CTC1: variants seen among roughly 807,000 people sequenced by gnomAD.
CTC1 encodes the protein CST complex subunit CTC1.
A neutral mutation model predicts 136.3 loss-of-function variants in CTC1; 91 were observed. The observed-to-expected ratio is 0.67, with a 90% CI of 0.56 to 0.79. CTC1 has a LOEUF of 0.79. CTC1 is among the 30% of genes least tolerant of loss of function. The pLI, the probability that CTC1 is intolerant of heterozygous loss-of-function variation, is 0.00. For missense variants in CTC1, 1,432 were observed against 1,498.1 expected, an observed-to-expected ratio of 0.96 and a Z score of 0.73; for synonymous variants, 606 against 613.8, an observed-to-expected ratio of 0.99 and a Z score of 0.19.
rs1370775254 is a variant in CTC1, at chr17:8,228,616, A to G, written c.3401T>C (p.Val1134Ala). 3.1e-6 allele frequency: 5 copies of G among 1,614,172 alleles called. No individual in the cohort carries two copies. The highest frequency in any genetic ancestry group is 3.3e-5 in the Admixed American group (2 of 60,018). Reference protein sequence around the residue: ...PGAQLESSARVDEPMTMFLWT... With the variant: ...PGAQLESSARADEPMTMFLWT... ...GAGGAACATGGTCATGGGCTCGTCA[A>G]CCCTGGCTGAAGACTAGAAAGAGAA... Residue 1134 changes from valine (V) to alanine (A), a missense_variant, in exon 22 of 23, where the codon GTT becomes GCT. By Grantham distance (64) the Val-to-Ala change is moderately conservative. Transcript: ENST00000651323.
rs141982483 is a variant in CTC1 at position 8,226,182 on chromosome 17, T to TA, written c.*1997dup. 3.5e-4 allele frequency: 53 copies of TA among 152,316 alleles called. No individual in the cohort carries two copies. Among genetic ancestry groups the TA allele is most frequent in the Non-Finnish European group, 6.3e-4 (43 of 68,038 alleles). 9.4% of individuals were successfully genotyped at this position (152,316 alleles called of 1,614,324 possible). On this transcript the variant is annotated 3_prime_UTR_variant, in exon 23 of 23. Coordinates refer to ENST00000651323, the MANE Select transcript of CTC1 (RefSeq NM_025099.6). ...CTTACGCGTTCTGATATAAAAACAATACATGAAAGGATGTGGATTTAGCCG... is the reference window on the plus strand; with the variant it reads ...CTTACGCGTTCTGATATAAAAACAATAACATGAAAGGATGTGGATTTAGCCG...
chr17:8,243,098 AC>A lies in CTC1; in HGVS notation c.83del (p.Cys28PhefsTer11). The A allele has an allele frequency of 1.2e-6, 2 of 1,614,120 alleles. No homozygotes were observed. The highest frequency in any genetic ancestry group is 1.7e-6 in the Non-Finnish European group (2 of 1,179,964). On this transcript the variant is annotated frameshift_variant, in exon 2 of 23. Transcript: ENST00000651323. LOFTEE classifies it high-confidence loss of function. ...GGACATTAGGCTCCTTGACAGCTGG[AC>A]ACAGGGTCTTTTGGATGAAGACCTG... ...DAQVFIQKTL[C>X]PAVKEPNVQL...
At chr17:8,229,228 G>GA (rs772803716) in intron 19 of CTC1, 22 bp from the exon 20 acceptor site, 3 of 1,614,040 alleles carry the variant, frequency 1.9e-6, no homozygotes, top group African/African-American at 2.7e-5. Context: ...ACAGTGGTTG[G>GA]AAAAGTCCTC....
At chr17:8,234,322 A>C in intron 10 of CTC1, 133 bp downstream of exon 10, 1 of 875,002 alleles carries the variant, frequency 1.1e-6, no homozygotes, top group Non-Finnish European at 1.9e-6. Context: ...GAGGGCCAAC[A>C]ACAGATGAAG....
At position 8,227,794 on chromosome 17, in the gene CTC1, A is replaced by G. The variant is rs1986851094; in HGVS notation, c.*386T>C. The stretch of plus-strand genomic sequence containing the variant: ...ACAACTAGGAGTCAGGAGGCCTGGG[A>G]CCCCAGAGATGAGTACCAGTGAGAA... On this transcript the variant is annotated 3_prime_UTR_variant, in exon 23 of 23. Coordinates refer to ENST00000651323, the MANE Select transcript of CTC1 (RefSeq NM_025099.6). 1 of 162,968 alleles carries G rather than the reference A, an allele frequency of 6.1e-6. No individual in the cohort carries two copies. The highest frequency in any genetic ancestry group is 1.3e-5 in the Non-Finnish European group (1 of 74,572). 10.1% of individuals were successfully genotyped at this position (162,968 alleles called of 1,614,324 possible).
chr17:8,231,056 C>T (rs1832363565), intron 15 of CTC1: 1 of 503,918 alleles, frequency 2.0e-6, no homozygotes, highest in African/African-American at 1.9e-5. Context: ...CAGGATAATC[C>T]TTCGAACCAG....
intron 18 of CTC1, 98 bp from the exon 19 acceptor site, chr17:8,229,544 C>G: frequency 9.6e-7 from 1 of 1,046,218 alleles, no homozygotes; most frequent in Admixed American, 2.1e-5. Context: ...TAGAGGGCAT[C>G]AGGATGGGGA....
chr17:8,238,850 G>T (rs1000073790), intron 2 of CTC1, among the ~76,000 whole-genome samples: 2 of 152,232 alleles, frequency 1.3e-5, no homozygotes, highest in African/African-American at 4.8e-5. Flanking sequence ...CAGCACTTTG[G>T]GAGGCCAAGG....
intron 2 of CTC1, among the ~76,000 whole-genome samples, chr17:8,239,089 CA>C (rs778191636): frequency 0.025 from 1,212 of 48,774 alleles, 8 homozygotes; most frequent in East Asian, 0.2. Flanking sequence ...GAGACTGTCT[CA>C]AAAAAAAAAA....
chr17:8,235,727 A>C, intron 7 of CTC1, 104 bp downstream of exon 7: 1 of 1,304,102 alleles, frequency 7.7e-7, no homozygotes, highest in Non-Finnish European at 1.0e-6. Flanking sequence ...ACACACTTTT[A>C]ATTTCTATAT....
intron 20 of CTC1, 91 bp from the exon 21 acceptor site, chr17:8,228,983 G>C (rs1986973623): frequency 6.6e-7 from 1 of 1,504,210 alleles, no homozygotes; most frequent in Non-Finnish European, 9.0e-7. Flanking sequence ...GCTGTCTGCA[G>C]TCTTTGGCTC....
chr17:8,234,792 T>C lies in CTC1; in HGVS notation c.1574A>G (p.His525Arg), dbSNP rs1314186230. The C allele has an allele frequency of 5.6e-6, 9 of 1,609,990 alleles. No homozygotes were observed. Among genetic ancestry groups the C allele is most frequent in the Non-Finnish European group, 7.6e-6 (9 of 1,177,984 alleles). Residue 525 changes from histidine to arginine, a missense_variant, in exon 9 of 23, where the codon CAC becomes CGC. Coordinates refer to ENST00000651323, the MANE Select transcript of CTC1 (RefSeq NM_025099.6). ...APPGSPVRNAHNEILEEPHHC... is the reference protein window; with the variant it reads ...APPGSPVRNARNEILEEPHHC... ...ATGTGGCTCTTCAAGGATCTCATTGTGTGCATTCCGAACAGGGCTGCCTGG... is the reference window on the plus strand; with the variant it reads ...ATGTGGCTCTTCAAGGATCTCATTGCGTGCATTCCGAACAGGGCTGCCTGG...
rs748674791 is a variant in CTC1, at chr17:8,228,559, C to T, written c.3458G>A (p.Arg1153His). ...CAGCTCAAAAGAAAGCACAATAGGA[C>T]GGAGGACAGAGGGGCTAGTACAAAG... is the stretch of plus-strand genomic sequence containing the variant. Reference protein sequence around the residue: ...WTLCTSPSVLRPIVLSFELER... With the variant: ...WTLCTSPSVLHPIVLSFELER... The change falls in exon 22 of 23, where the codon CGT (arginine) becomes CAT (histidine). Residue 1153 changes from arginine to histidine, a missense_variant. Coordinates refer to ENST00000651323, the MANE Select transcript of CTC1 (RefSeq NM_025099.6). 31 of 1,613,970 alleles carry T rather than the reference C, an allele frequency of 1.9e-5. No homozygotes were observed. Among genetic ancestry groups the T allele is most frequent in the Middle Eastern group, 1.6e-4 (1 of 6,084 alleles).
rs1028979442 is a variant in CTC1 at position 8,235,729 on chromosome 17, T to C, written c.1206+102A>G. 4 of 1,312,728 alleles carry C rather than the reference T, an allele frequency of 3.0e-6. No homozygotes were observed. The African/African-American group carries it at 4.5e-5, about 15-fold the overall frequency. 81.3% of individuals were successfully genotyped at this position (1,312,728 alleles called of 1,614,324 possible). On this transcript the variant is annotated intron_variant, in intron 7 of 22. Transcript: ENST00000651323. The stretch of plus-strand genomic sequence containing the variant: ...AGTGCCCCCTAACACACACTTTTAA[T>C]TTCTATATTTCTATATAACCACCCT...
intron 1 of CTC1, among the ~76,000 whole-genome samples, chr17:8,243,754 G>T (rs1988466277): frequency 6.6e-6 from 1 of 152,026 alleles, no homozygotes; most frequent in African/African-American, 2.4e-5. Context: ...AAACATTGTT[G>T]AACAATCCTT....
intron 1 of CTC1, among the ~76,000 whole-genome samples, chr17:8,244,561 T>C (rs1248669856): frequency 6.6e-6 from 1 of 152,152 alleles, no homozygotes; most frequent in East Asian, 1.9e-4. Context: ...AGTCTTGCTT[T>C]GTCGCCCAGG....
In CTC1 at chr17:8,236,150, C is replaced by T. The variant is rs746706189; in HGVS notation, c.985G>A (p.Ala329Thr). The T allele has an allele frequency of 6.2e-7, 1 of 1,614,196 alleles. No individual in the cohort carries two copies. The highest frequency in any genetic ancestry group is 2.2e-5 in the East Asian group (1 of 44,894). Residue 329 changes from alanine (A) to threonine (T), a missense_variant, in exon 6 of 23, where the codon GCT becomes ACT. By Grantham distance (58) the Ala-to-Thr change is moderately conservative. Coordinates refer to ENST00000651323, the MANE Select transcript of CTC1 (RefSeq NM_025099.6). ...ELELEGPLLE[A>T]DPKPLPMPSN... is the part of the protein sequence containing the mutation. ...GGCATGGGGAGTGGCTTGGGGTCAG[C>T]CTCTAAGAGGGGTCCTTCCAGCTCC...
intron 2 of CTC1, among the ~76,000 whole-genome samples, chr17:8,240,156 CTTTTT>C (rs397969607): frequency 7.1e-6 from 1 of 139,990 alleles, no homozygotes. Flanking sequence ...AGAACTGTCT[CTTTTT>C]TTTTTTTTTT....
intron 10 of CTC1, 133 bp from the exon 11 acceptor site, chr17:8,233,165 CTT>C (rs891426277): frequency 1.0e-6 from 1 of 968,452 alleles, no homozygotes; most frequent in African/African-American, 1.7e-5. Flanking sequence ...CTTCAAAAAA[CTT>C]ATATTCAAGT....
Sources: gnomAD v4.1 joint callset for allele counts (sites outside exome capture counted in the v4.1 genomes callset) on GRCh38, gnomAD v4.1.1 for gene constraint, MANE v1.5 for transcripts, NCBI Gene and HGNC (gene_info 2026-07-23, HGNC 2026-07-21) for gene names.